Variants in ACKR2 observed in about 807,000 individuals in gnomAD.
ACKR2 encodes C-C chemokine receptor D6.
For missense variants in ACKR2, 457 were observed against 477.3 expected (o/e 0.96, Z 0.40); for synonymous variants, 207 against 192.2 (o/e 1.08, Z -0.64).
chr3:42,832,813 C>A (rs1219280457), intron 2 of ACKR2, among the ~76,000 whole-genome samples: 1 of 152,110 alleles, frequency 6.6e-6, no homozygotes, highest in Admixed American at 6.5e-5. Context: ...CCCACCTTAG[C>A]CTCCTGAGTA....
At chr3:42,863,879 G>A (rs1321962644) in intron 2 of ACKR2, among the ~76,000 whole-genome samples, 1 of 152,122 alleles carries the variant, frequency 6.6e-6, no homozygotes, top group Non-Finnish European at 1.5e-5. Flanking sequence ...GGCTAGGGGA[G>A]GGATAACATT....
chr3:42,865,524 A>T lies in ACKR2; in HGVS notation c.1022A>T (p.Gln341Leu). Reference protein sequence around the residue: ...LGWHLAPGTAQASLSSCSESS... With the variant: ...LGWHLAPGTALASLSSCSESS... ...TGGCACCTGGCACCTGGCACTGCCCAGGCCTCATTATCCAGCTGTTCTGAG... is the reference window on the plus strand; with the variant it reads ...TGGCACCTGGCACCTGGCACTGCCCTGGCCTCATTATCCAGCTGTTCTGAG... The change falls in exon 3 of 3, where the codon CAG becomes CTG. Residue 341 changes from glutamine (Q) to leucine (L), a missense_variant. Transcript: ENST00000422265. 3 of 1,614,164 alleles carry T rather than the reference A, an allele frequency of 1.9e-6. No individual in the cohort carries two copies. Among genetic ancestry groups the T allele is most frequent in the Non-Finnish European group, 2.5e-6 (3 of 1,180,030 alleles).
chr3:42,838,752 A>C (rs1341403737), intron 2 of ACKR2, among the ~76,000 whole-genome samples: 1 of 152,164 alleles, frequency 6.6e-6, no homozygotes, highest in East Asian at 1.9e-4. Context: ...TCTGCACGTG[A>C]ATGTTTGTGG....
At chr3:42,825,598 T>C (rs1700854564) in intron 2 of ACKR2, among the ~76,000 whole-genome samples, 1 of 151,486 alleles carries the variant, frequency 6.6e-6, no homozygotes, top group African/African-American at 2.4e-5. Context: ...TGTGTGTGTG[T>C]GTGCGTGTGT....
chr3:42,853,197 GC>G (rs1026476990), intron 2 of ACKR2, among the ~76,000 whole-genome samples: 1 of 152,146 alleles, frequency 6.6e-6, no homozygotes, highest in African/African-American at 2.4e-5. Flanking sequence ...AGGAAGGGGT[GC>G]ACACAGGCTG....
At chr3:42,859,726 C>G (rs978517775) in intron 2 of ACKR2, among the ~76,000 whole-genome samples, 5 of 152,070 alleles carry the variant, frequency 3.3e-5, no homozygotes, top group African/African-American at 1.2e-4. Flanking sequence ...AATTTCATAT[C>G]CAGCCAAACT....
intron 2 of ACKR2, among the ~76,000 whole-genome samples, chr3:42,833,350 ATTTTTATT>A (rs1575380835): frequency 1.3e-5 from 2 of 152,136 alleles, no homozygotes; most frequent in East Asian, 3.8e-4. Context: ...TATTTTGTTT[ATTTTTATT>A]TTTTATTTTT....
chr3:42,865,149 T>C lies in ACKR2; in HGVS notation c.647T>C (p.Leu216Pro), dbSNP rs767262136. 2.5e-6 allele frequency: 4 copies of C among 1,613,804 alleles called. No individual in the cohort carries two copies. Among genetic ancestry groups the C allele is most frequent in the Admixed American group, 1.7e-5 (1 of 59,984 alleles). ...CTCTTCCTCCGCTTCCAGCAGAACC[T>C]CCTAGGGTTTCTCCTTCCACTCCTT... The part of the protein sequence containing the change: ...WKLFLRFQQN[L>P]LGFLLPLLAM... The change falls in exon 3 of 3, where the codon CTC (leucine) becomes CCC (proline). Residue 216 changes from leucine to proline, a missense_variant. By Grantham distance (98) the Leu-to-Pro change is moderately conservative. Coordinates refer to ENST00000422265, the MANE Select transcript of ACKR2 (RefSeq NM_001296.5).
At chr3:42,843,047 T>G (rs1238727605) in intron 2 of ACKR2, among the ~76,000 whole-genome samples, 4 of 72,822 alleles carry the variant, frequency 5.5e-5, no homozygotes, top group South Asian at 5.3e-4. Flanking sequence ...TTTATTTATT[T>G]ATTTATTTAT....
intron 2 of ACKR2, among the ~76,000 whole-genome samples, chr3:42,820,883 GTT>G (rs34265324): frequency 2.7e-4 from 39 of 143,788 alleles, no homozygotes; most frequent in Admixed American, 1.1e-3. Flanking sequence ...TTCATCAATA[GTT>G]TTTTTTTTTT....
At chr3:42,846,389 C>T (rs1366988360) in intron 2 of ACKR2, among the ~76,000 whole-genome samples, 3 of 152,184 alleles carry the variant, frequency 2.0e-5, no homozygotes, top group African/African-American at 7.2e-5. Flanking sequence ...GAAACTGGCT[C>T]CAGAAAGCTG....
Position 42,864,627 on chromosome 3 carries a change from T to C in ACKR2, c.125T>C (p.Val42Ala). ...ATGCTCTGCAGGAAGGATGCAGTGG[T>C]GTCCTTTGGCAAAGTCTTCCTCCCA... is the stretch of plus-strand genomic sequence containing the variant. ...AFMLCRKDAVVSFGKVFLPVF... is the reference protein window; with the variant it reads ...AFMLCRKDAVASFGKVFLPVF... Residue 42 changes from valine (V) to alanine (A), a missense_variant, in exon 3 of 3, where the codon GTG becomes GCG. Coordinates refer to ENST00000422265, the MANE Select transcript of ACKR2 (RefSeq NM_001296.5). 1 of 1,614,204 alleles carries C rather than the reference T, an allele frequency of 6.2e-7. No homozygotes were observed.
Position 42,864,453 on chromosome 3 carries a change from T to G in ACKR2, c.-37-13T>G, listed in dbSNP as rs966481676. 1.3e-6 allele frequency: 2 copies of G among 1,537,328 alleles called. No individual in the cohort carries two copies. The highest frequency in any genetic ancestry group is 2.8e-5 in the African/African-American group (2 of 72,470). ...TAGAGAATGCTAGGTCTCACCATAT[T>G]TTCCCCCCGCAGCACTACAGGACGT... On this transcript the variant is annotated splice_polypyrimidine_tract_variant and intron_variant, in intron 2 of 2. Transcript: ENST00000422265.
chr3:42,855,053 C>T (rs954231939), intron 2 of ACKR2, among the ~76,000 whole-genome samples: 1 of 151,952 alleles, frequency 6.6e-6, no homozygotes, highest in African/African-American at 2.4e-5. Context: ...GATGGGGTTT[C>T]GCCACGTTGA....
intron 1 of ACKR2, among the ~76,000 whole-genome samples, chr3:42,814,740 A>G (rs1018463407): frequency 2.0e-5 from 3 of 152,234 alleles, no homozygotes; most frequent in Non-Finnish European, 4.4e-5. Flanking sequence ...AGTCCCTGCC[A>G]TGAAATAATT....
intron 1 of ACKR2, among the ~76,000 whole-genome samples, chr3:42,812,901 C>T (rs1700710516): frequency 6.6e-6 from 1 of 151,774 alleles, no homozygotes; most frequent in South Asian, 2.1e-4. Flanking sequence ...TTTGGCCAAG[C>T]TGGTCTCAAA....
chr3:42,843,029 T>G (rs1701055749), intron 2 of ACKR2, among the ~76,000 whole-genome samples: 1 of 141,338 alleles, frequency 7.1e-6, no homozygotes. Context: ...ATGAGTCATG[T>G]CTAGCTATTT....
At chr3:42,851,781 C>T (rs1056243199) in intron 2 of ACKR2, among the ~76,000 whole-genome samples, 18 of 152,236 alleles carry the variant, frequency 1.2e-4, no homozygotes, top group African/African-American at 2.9e-4. Context: ...TCAGTGTTCC[C>T]GGCTGTAAGA....
chr3:42,862,917 C>A (rs2088399235), intron 2 of ACKR2, among the ~76,000 whole-genome samples: 1 of 152,144 alleles, frequency 6.6e-6, no homozygotes, highest in African/African-American at 2.4e-5. Context: ...TAGAAGAAAG[C>A]TAGGCAATAC....
Sources: gnomAD v4.1 joint callset for allele counts (sites outside exome capture counted in the v4.1 genomes callset) on GRCh38, gnomAD v4.1.1 for gene constraint, MANE v1.5 for transcripts, NCBI Gene and HGNC (gene_info 2026-07-23, HGNC 2026-07-21) for gene names.